Variants in PIEZO2 observed in about 807,000 individuals in gnomAD.
PIEZO2 encodes the protein piezo-type mechanosensitive ion channel component 2.
Under a neutral mutation model 337.3 loss-of-function variants are expected in PIEZO2, and 172 were observed. The observed-to-expected ratio is 0.51, with a 90% CI of 0.45 to 0.58. The LOEUF (loss-of-function observed/expected upper bound fraction) is 0.58. PIEZO2 is among the 20% of genes least tolerant of loss of function. The probability of loss-of-function intolerance (pLI) is 0.00; values close to 1 mark genes in which losing one functional copy is unlikely to be tolerated. For missense variants in PIEZO2, 3,028 were observed against 3,391.3 expected, an observed-to-expected ratio of 0.89 and a Z score of 2.66; for synonymous variants, 1,251 against 1,228.5, an observed-to-expected ratio of 1.02 and a Z score of -0.38.
At position 10,846,543 on chromosome 18, in the gene PIEZO2, T is replaced by TCA. The variant is rs1186848619; in HGVS notation, c.917+8808_917+8809dup. ...AGAGTTCCTGAGAGGCCAATGTATGTCAGCAGTGTTAAATCCTGAGAGTAC... is the reference window on the plus strand; with the variant it reads ...AGAGTTCCTGAGAGGCCAATGTATGTCACAGCAGTGTTAAATCCTGAGAGTAC... On this transcript the variant is annotated intron_variant, in intron 7 of 55. Transcript: ENST00000674853. The surrounding 1 kb of genome is among the most constrained non-coding windows in gnomAD (Gnocchi z 4.1). Among the ~76,000 whole-genome samples, 1 of 152,160 alleles carries TCA rather than the reference T, an allele frequency of 6.6e-6. No homozygotes were observed. The highest frequency in any genetic ancestry group is 1.5e-5 in the Non-Finnish European group (1 of 68,028).
At position 11,070,474 on chromosome 18, in the gene PIEZO2, C is replaced by T. The variant is rs992878090; in HGVS notation, c.65-4252G>A. Among the ~76,000 whole-genome samples, 2 of 152,078 alleles carry T rather than the reference C, an allele frequency of 1.3e-5. No homozygotes were observed. Among genetic ancestry groups the T allele is most frequent in the Middle Eastern group, 3.2e-3 (1 of 316 alleles). On this transcript the variant is annotated intron_variant, in intron 1 of 55. Transcript: ENST00000674853. The surrounding 1 kb of genome is among the most constrained non-coding windows in gnomAD (Gnocchi z 4.3). The stretch of plus-strand genomic sequence containing the variant: ...AGGCAGGTGTTTGTCTTAGCTCTGC[C>T]TACATGTGGGATGAGAGGGGGCAAG...
chr18:11,041,854 C>T (rs2037134960), intron 2 of PIEZO2, among the ~76,000 whole-genome samples: 1 of 152,182 alleles, frequency 6.6e-6, no homozygotes, highest in Admixed American at 6.5e-5. Context: ...ATCTATATTA[C>T]CACTTAGGGC....
At position 10,720,409 on chromosome 18, in the gene PIEZO2, GTATGTGTATGTATATATATATATATATA is replaced by G. The variant is rs2036248633; in HGVS notation, c.5030-2178_5030-2151del. Among the ~76,000 whole-genome samples the G allele has an allele frequency of 1.7e-3, 30 of 17,962 alleles. 4 individuals carry two copies. Among genetic ancestry groups the G allele is most frequent in the African/African-American group, 3.6e-3 (12 of 3,328 alleles). 11.8% of individuals were successfully genotyped at this position (17,962 alleles called of 152,430 possible). A position where few individuals can be genotyped will look rare whatever the true frequency, so the allele number is the denominator to read the frequency against. On this transcript the variant is annotated intron_variant, in intron 36 of 55. Coordinates refer to ENST00000674853, the MANE Select transcript of PIEZO2 (RefSeq NM_001378183.1). The stretch of plus-strand genomic sequence containing the variant: ...TGTGTGTGTGTGTGTGTGTGTATGT[GTATGTGTATGTATATATATATATATATA>G]TATATATATATATATATATATATAT...
intron 3 of PIEZO2, among the ~76,000 whole-genome samples, chr18:10,950,857 T>C (rs2033260393): frequency 6.6e-6 from 1 of 152,230 alleles, no homozygotes; most frequent in Admixed American, 6.5e-5. Context: ...TCGCTGATTT[T>C]ACTCCCAAAA....
chr18:10,991,454 C>T (rs1385701575), intron 2 of PIEZO2, among the ~76,000 whole-genome samples: 1 of 146,276 alleles, frequency 6.8e-6, no homozygotes, highest in Non-Finnish European at 1.5e-5. Flanking sequence ...TTGTTCAACT[C>T]CTACTTACAA....
At chr18:10,883,713 T>A (rs1280980989) in intron 4 of PIEZO2, among the ~76,000 whole-genome samples, 1 of 152,094 alleles carries the variant, frequency 6.6e-6, no homozygotes, top group Non-Finnish European at 1.5e-5. Flanking sequence ...TTATTCTTCC[T>A]GGTGTACCTG....
At chr18:10,693,709 A>C (rs917869793) in intron 47 of PIEZO2, among the ~76,000 whole-genome samples, 2 of 151,352 alleles carry the variant, frequency 1.3e-5, no homozygotes, top group Admixed American at 1.3e-4. Context: ...CTGGCCTGGG[A>C]TTAGGATCTA....
At chr18:10,698,750 C>T (rs1269510785) in intron 44 of PIEZO2, among the ~76,000 whole-genome samples, 175 bp downstream of exon 44, 1 of 152,314 alleles carries the variant, frequency 6.6e-6, no homozygotes, top group South Asian at 2.1e-4. Context: ...GGTCACACAG[C>T]TGAGGCAGGA....
chr18:10,871,405 C>T lies in PIEZO2; in HGVS notation c.340G>A (p.Ala114Thr). 6.5e-7 allele frequency: 1 copy of T among 1,536,658 alleles called. No homozygotes were observed. The highest frequency in any genetic ancestry group is 1.2e-5 in the South Asian group (1 of 83,864). ...ACTCTGATCCCATTGCCAGCATCAG[C>T]TCCCTTTAAGCTATAAAGGAAAAAC... ...RQIGFESLKG[A>T]DAGNGIRVFV... The change falls in exon 5 of 56, where the codon GCT becomes ACT. Residue 114 changes from alanine to threonine, a missense_variant. Ala to Thr is a moderately conservative substitution (Grantham distance 58). This residue lies in a region of PIEZO2 where 542 missense variants were observed against 605.6 expected (regional missense o/e 0.89). Transcript: ENST00000674853.
intron 48 of PIEZO2, among the ~76,000 whole-genome samples, 166 bp from the exon 49 acceptor site, chr18:10,689,968 AT>A (rs2034730501): frequency 6.6e-6 from 1 of 152,232 alleles, no homozygotes; most frequent in Non-Finnish European, 1.5e-5. Flanking sequence ...ACTGCTTTTC[AT>A]TATAAGTCGA....
At chr18:10,704,226 G>A (rs1193904061) in intron 42 of PIEZO2, 168 bp downstream of exon 42, 1 of 934,378 alleles carries the variant, frequency 1.1e-6, no homozygotes, top group African/African-American at 1.7e-5. Flanking sequence ...GGTAACTGTT[G>A]CTGCTGACGA....
In PIEZO2 at chr18:11,002,582, A is replaced by G. The variant is rs1279400344; in HGVS notation, c.161-22922T>C. 2.6e-5 allele frequency among the ~76,000 whole-genome samples: 4 copies of G among 152,186 alleles called. No individual in the cohort carries two copies. Among genetic ancestry groups the G allele is most frequent in the Non-Finnish European group, 5.9e-5 (4 of 68,036 alleles). ...CACTTTCACTTTCTCTAATTTCACC[A>G]TTTCCAGAAGGAAATTGGAAAAAAT... On this transcript the variant is annotated intron_variant, in intron 2 of 55. Coordinates refer to ENST00000674853, the MANE Select transcript of PIEZO2 (RefSeq NM_001378183.1). This position sits in a 1 kb window ranked among gnomAD's most constrained non-coding sequence, Gnocchi z 4.3.
At chr18:11,141,505 T>A (rs990050780) in intron 1 of PIEZO2, among the ~76,000 whole-genome samples, 20 of 152,102 alleles carry the variant, frequency 1.3e-4, no homozygotes. Context: ...GCGCACAGAA[T>A]GTAGAGCCAC....
intron 24 of PIEZO2, 112 bp from the exon 25 acceptor site, chr18:10,760,021 G>T: frequency 1.1e-6 from 1 of 909,434 alleles, no homozygotes; most frequent in Non-Finnish European, 1.7e-6. Context: ...CTCAGGGCAA[G>T]TCTGTCTGCA....
rs745618117 is a variant in PIEZO2, at chr18:10,882,834, C to CTTTTTTTTTTTTTTTTTTTTTTTTTTT, written c.330-11420_330-11419insAAAAAAAAAAAAAAAAAAAAAAAAAAA. ...CCATTGTGCATATGTACCACATTTT[C>CTTTTTTTTTTTTTTTTTTTTTTTTTTT]TTTTTTTCTTTTTTTTTTTTTTTGA... On this transcript the variant is annotated intron_variant, in intron 4 of 55. Transcript: ENST00000674853. 2.7e-5 allele frequency among the ~76,000 whole-genome samples: 3 copies of CTTTTTTTTTTTTTTTTTTTTTTTTTTT among 109,984 alleles called. 1 individual carries two copies. 72.2% of individuals were successfully genotyped at this position (109,984 alleles called of 152,430 possible).
At chr18:10,996,159 G>A (rs967499152) in intron 2 of PIEZO2, among the ~76,000 whole-genome samples, 3 of 152,152 alleles carry the variant, frequency 2.0e-5, no homozygotes, top group Non-Finnish European at 2.9e-5. Context: ...CATAAGAAAA[G>A]GAGAAATATC....
rs2031959168 is a variant in PIEZO2, at chr18:10,929,593, C to A, written c.287-18365G>T. Among the ~76,000 whole-genome samples, 1 of 152,220 alleles carries A rather than the reference C, an allele frequency of 6.6e-6. No individual in the cohort carries two copies. The highest frequency in any genetic ancestry group is 6.5e-5 in the Admixed American group (1 of 15,290). On this transcript the variant is annotated intron_variant, in intron 3 of 55. Transcript: ENST00000674853. The surrounding 1 kb of genome is among the most constrained non-coding windows in gnomAD (Gnocchi z 5.6). Reference sequence around the variant, plus strand: ...AGGGGCTGAGAAGTTATTGGCAAGACTGTGAGAGGAAAATGCCTCTACCAA... The same window carrying A: ...AGGGGCTGAGAAGTTATTGGCAAGAATGTGAGAGGAAAATGCCTCTACCAA...
chr18:11,123,855 CAG>C (rs1490335812), intron 1 of PIEZO2, among the ~76,000 whole-genome samples: 1 of 151,546 alleles, frequency 6.6e-6, no homozygotes, highest in Admixed American at 6.6e-5. Flanking sequence ...CTATACATTG[CAG>C]AGAGCTGCAG....
chr18:10,862,429 C>T lies in PIEZO2; in HGVS notation c.493-5218G>A, dbSNP rs142520679. On this transcript the variant is annotated intron_variant, in intron 5 of 55. Coordinates refer to ENST00000674853, the MANE Select transcript of PIEZO2 (RefSeq NM_001378183.1). This position sits in a 1 kb window ranked among gnomAD's most constrained non-coding sequence, Gnocchi z 4.4. ...ACAAAGCTCTCATCCCACAATGAGA[C>T]GGGATCTAAACCTTTGCGTCTCTGC... is the stretch of plus-strand genomic sequence containing the variant. Among the ~76,000 whole-genome samples the T allele has an allele frequency of 1.6e-4, 24 of 152,282 alleles. No homozygotes were observed. Among genetic ancestry groups the T allele is most frequent in the African/African-American group, 4.3e-4 (18 of 41,548 alleles).
Sources: allele counts gnomAD v4.1 joint callset (sites outside exome capture counted in the v4.1 genomes callset), GRCh38; gene constraint gnomAD v4.1.1; regional missense constraint gnomAD v4.1.1; non-coding constraint Gnocchi (gnomAD v3.1); transcripts MANE v1.5; gene names NCBI Gene and HGNC (gene_info 2026-07-23, HGNC 2026-07-21).